Variants in DNHD1 observed in about 807,000 individuals in gnomAD.
DNHD1 encodes the protein dynein heavy chain domain-containing protein 1.
In DNHD1, 383 loss-of-function variants were observed where a neutral mutation model predicts 458.1. That is an observed-to-expected ratio of 0.84 (90% confidence interval 0.77 to 0.91). The LOEUF (loss-of-function observed/expected upper bound fraction) is 0.91, where lower values mean the gene tolerates loss of function less well. Among genes scored for constraint, DNHD1 ranks in the 40% least tolerant of loss-of-function variants. The pLI, the probability that DNHD1 is intolerant of heterozygous loss-of-function variation, is 0.00. For synonymous variants in DNHD1, 2,203 were observed against 2,376.9 expected (o/e 0.93, Z 2.13); for missense variants, 5,336 against 5,866.1 (o/e 0.91, Z 2.95).
intron 24 of DNHD1, among the ~76,000 whole-genome samples, chr11:6,550,801 T>A (rs1853324702): frequency 6.6e-6 from 1 of 152,154 alleles, no homozygotes; most frequent in African/African-American, 2.4e-5. Context: ...ATTGAAAGAT[T>A]CAACTCATCA....
At position 6,505,057 on chromosome 11, in the gene DNHD1, C is replaced by G. The variant is rs1381503928; in HGVS notation, c.920+2131C>G. On this transcript the variant is annotated intron_variant, in intron 4 of 42. Transcript: ENST00000254579. This position sits in a 1 kb window ranked among gnomAD's most constrained non-coding sequence, Gnocchi z 4.4. Reference sequence around the variant, plus strand: ...TGTTGCTCAAGCTGGTCTCGAACTCCTGGGCTCAAGCTATCCTCCCTTCTC... The same window carrying G: ...TGTTGCTCAAGCTGGTCTCGAACTCGTGGGCTCAAGCTATCCTCCCTTCTC... Among the ~76,000 whole-genome samples, 1 of 152,018 alleles carries G rather than the reference C, an allele frequency of 6.6e-6. No individual in the cohort carries two copies. Among genetic ancestry groups the G allele is most frequent in the East Asian group, 1.9e-4 (1 of 5,176 alleles).
In DNHD1 at chr11:6,568,844, C is replaced by A. The variant is rs1401337762; in HGVS notation, c.12841C>A (p.Leu4281Met). The change falls in exon 39 of 43, where the codon CTG (leucine) becomes ATG (methionine). Residue 4281 changes from leucine (L) to methionine (M), a missense_variant. Physicochemically the swap from Leu to Met is conservative, Grantham distance 15 (BLOSUM62 2). Coordinates refer to ENST00000254579, the MANE Select transcript of DNHD1 (RefSeq NM_144666.3). ...ACACCGGCAGCTCTATGGAACAAGG[C>A]TGCAGGCACACAGGGGGCGCTGGTG... ...LLHRQLYGTR[L>M]QAHRGRWSQV... 1.2e-6 allele frequency: 2 copies of A among 1,611,812 alleles called. No homozygotes were observed. Among genetic ancestry groups the A allele is most frequent in the Admixed American group, 3.3e-5 (2 of 59,836 alleles).
rs192670263 is a variant in DNHD1, at chr11:6,538,920, T to C, written c.3325+110T>C. 77 of 1,166,256 alleles carry C rather than the reference T, an allele frequency of 6.6e-5. No individual in the cohort carries two copies. In the African/African-American group the frequency reaches 1.1e-3, roughly 17 times the overall value. The allele number at this position is 1,166,256 out of a possible 1,614,324, so 72.2% of individuals were successfully genotyped here. A position where few individuals can be genotyped will look rare whatever the true frequency, so the allele number is the denominator to read the frequency against. ...GCTGGAAACACCTTTCATCCCCAAGTTTCTCCCTACCTTTCCCACATATTT... is the reference window on the plus strand; with the variant it reads ...GCTGGAAACACCTTTCATCCCCAAGCTTCTCCCTACCTTTCCCACATATTT... On this transcript the variant is annotated intron_variant, in intron 16 of 42. Transcript: ENST00000254579.
At chr11:6,563,216 A>G (rs926300580) in intron 29 of DNHD1, 85 bp downstream of exon 29, 8 of 1,542,664 alleles carry the variant, frequency 5.2e-6, no homozygotes, top group Non-Finnish European at 7.0e-6. Flanking sequence ...GAGAGGATGG[A>G]GTGACTCATC....
Position 6,566,715 on chromosome 11 carries a change from G to A in DNHD1, c.11335G>A (p.Asp3779Asn). The change falls in exon 35 of 43, where the codon GAC (aspartate) becomes AAC (asparagine). Residue 3779 changes from aspartate to asparagine, a missense_variant. Asp to Asn is a conservative substitution (Grantham distance 23, BLOSUM62 1). This residue lies in a region of DNHD1 where 695 missense variants were observed against 804.2 expected (regional missense o/e 0.86). Coordinates refer to ENST00000254579, the MANE Select transcript of DNHD1 (RefSeq NM_144666.3). Reference sequence around the variant, plus strand: ...TCCTGAACTCGAGACCCGCTGGCAGGACCTAAAGATCAGAGCCCTAGATAC... The same window carrying A: ...TCCTGAACTCGAGACCCGCTGGCAGAACCTAAAGATCAGAGCCCTAGATAC... ...EYPELETRWQ[D>N]LKIRALDTCK... 5 of 1,612,092 alleles carry A rather than the reference G, an allele frequency of 3.1e-6. No homozygotes were observed. The highest frequency in any genetic ancestry group is 4.2e-6 in the Non-Finnish European group (5 of 1,179,080).
At position 6,519,873 on chromosome 11, in the gene DNHD1, T is replaced by C; in HGVS notation, c.1647+19T>C. 5 of 1,612,760 alleles carry C rather than the reference T, an allele frequency of 3.1e-6. No individual in the cohort carries two copies. The highest frequency in any genetic ancestry group is 4.2e-6 in the Non-Finnish European group (5 of 1,179,746). On this transcript the variant is annotated intron_variant, in intron 8 of 42. Transcript: ENST00000254579. ...CCTTCAAGTGAGGTGGTGGGTGGCA[T>C]GTGTGGAGGTGGCAGGCAGTCCAGG...
At chr11:6,555,203 T>C (rs1415261989) in intron 24 of DNHD1, among the ~76,000 whole-genome samples, 1 of 119,280 alleles carries the variant, frequency 8.4e-6, no homozygotes, top group Non-Finnish European at 1.7e-5. Flanking sequence ...TCATTCCCTC[T>C]CTCTCTGTCT....
chr11:6,570,760 G>T lies in DNHD1; in HGVS notation c.13248G>T (p.Ala4416=), dbSNP rs751539278. Reference sequence around the variant, plus strand: ...GCCAGAGTCGCGCTCTCTTGAGTGCGCTGCAGCGGAGTTCACCCGTGTGGG... The same window carrying T: ...GCCAGAGTCGCGCTCTCTTGAGTGCTCTGCAGCGGAGTTCACCCGTGTGGG... ...LRRQSRALLS[A]LQRSSPVWVP... is the part of the protein sequence containing the mutation. Residue 4416 remains alanine (A), a synonymous_variant, in exon 42 of 43, where the codon GCG becomes GCT. Coordinates refer to ENST00000254579, the MANE Select transcript of DNHD1 (RefSeq NM_144666.3). 1.7e-5 allele frequency: 28 copies of T among 1,612,238 alleles called. No homozygotes were observed. Among genetic ancestry groups the T allele is most frequent in the Non-Finnish European group, 2.3e-5 (27 of 1,179,210 alleles).
In DNHD1 at chr11:6,570,624, G is replaced by A. The variant is rs1384488831; in HGVS notation, c.13112G>A (p.Arg4371Lys). 1.9e-6 allele frequency: 3 copies of A among 1,605,132 alleles called. No homozygotes were observed. The highest frequency in any genetic ancestry group is 1.3e-5 in the African/African-American group (1 of 74,706). Residue 4371 changes from arginine (R) to lysine (K), a missense_variant, in exon 42 of 43, where the codon AGG (arginine) becomes AAG (lysine). Coordinates refer to ENST00000254579, the MANE Select transcript of DNHD1 (RefSeq NM_144666.3). The stretch of plus-strand genomic sequence containing the variant: ...CCTCACCTCTATCCCCAAGAGCTAA[G>A]GGAGCTGGATGCAATGGCAGAGTGC... The part of the protein sequence containing the change: ...LATLMPLPEL[R>K]ELDAMAECKA...
chr11:6,519,533 C>A (rs1210666004), intron 7 of DNHD1, 67 bp from the exon 8 acceptor site: 8 of 1,575,628 alleles, frequency 5.1e-6, no homozygotes, highest in Non-Finnish European at 5.2e-6. Flanking sequence ...AGAGTTTGCA[C>A]AGACTAGTGG....
intron 7 of DNHD1, among the ~76,000 whole-genome samples, chr11:6,514,268 T>C (rs777561592): frequency 1.3e-5 from 2 of 152,058 alleles, no homozygotes; most frequent in Non-Finnish European, 2.9e-5. Flanking sequence ...AACACCCAGC[T>C]AATTTTTATA....
rs550394585 is a variant in DNHD1 at position 6,561,914 on chromosome 11, G to T, written c.9520-1068G>T. The stretch of plus-strand genomic sequence containing the variant: ...GAGAGAAAAGAGATGAGATTGAAAT[G>T]ATGAGTAGGGGCCTGGTCATGGGGG... On this transcript the variant is annotated intron_variant, in intron 28 of 42. Transcript: ENST00000254579. 3.7e-4 allele frequency among the ~76,000 whole-genome samples: 56 copies of T among 152,322 alleles called. 1 individual carries two copies. The highest frequency in any genetic ancestry group is 1.3e-3 in the African/African-American group (55 of 41,556).
At chr11:6,564,910 C>A in intron 32 of DNHD1, 106 bp downstream of exon 32, 2 of 997,206 alleles carry the variant, frequency 2.0e-6, no homozygotes, top group Non-Finnish European at 2.9e-6. Context: ...TTTTTGTGAT[C>A]AGGATGTCCC....
chr11:6,547,480 A>G lies in DNHD1; in HGVS notation c.6541A>G (p.Met2181Val), dbSNP rs1292720954. 2.6e-6 allele frequency: 4 copies of G among 1,550,866 alleles called. No individual in the cohort carries two copies. The South Asian group carries it at 4.8e-5, about 18-fold the overall frequency. ...CCGGACAGTCGCTGAGCTCAACCACATGGCTGAGGTTCTGGTGCCTGCAAC... is the reference window on the plus strand; with the variant it reads ...CCGGACAGTCGCTGAGCTCAACCACGTGGCTGAGGTTCTGGTGCCTGCAAC... ...QHRTVAELNH[M>V]AEVLVPATLR... is the part of the protein sequence containing the mutation. Residue 2181 changes from methionine (M) to valine (V), a missense_variant, in exon 21 of 43, where the codon ATG (methionine) becomes GTG (valine). Transcript: ENST00000254579.
intron 7 of DNHD1, among the ~76,000 whole-genome samples, chr11:6,515,701 C>T (rs570892208): frequency 6.6e-5 from 10 of 151,802 alleles, no homozygotes; most frequent in African/African-American, 2.4e-4. Flanking sequence ...TCAGGGTCTG[C>T]TTCTGGGGAA....
intron 24 of DNHD1, among the ~76,000 whole-genome samples, chr11:6,551,707 CCAA>C (rs1482398014): frequency 3.9e-5 from 6 of 152,224 alleles, no homozygotes; most frequent in East Asian, 3.9e-4. Flanking sequence ...CTTTGGGAGG[CCAA>C]GGAGGGCAGA....
At chr11:6,544,444 T>C in intron 19 of DNHD1, 130 bp from the exon 20 acceptor site, 1 of 997,148 alleles carries the variant, frequency 1.0e-6, no homozygotes, top group South Asian at 1.7e-5. Context: ...GCAAGTTCCC[T>C]GAGTCCTGCT....
chr11:6,498,446 C>G lies in DNHD1; in HGVS notation c.231C>G (p.Ser77Arg). The stretch of plus-strand genomic sequence containing the variant: ...TCTCAGCTGTGTTGCAGGACAGTAG[C>G]CCTGCAGCTTGGCGCTATCTTCATG... ...TLFSAVLQDSSPAAWRYLHAV... is the reference protein window; with the variant it reads ...TLFSAVLQDSRPAAWRYLHAV... Residue 77 changes from serine to arginine, a missense_variant, in exon 3 of 43, where the codon AGC becomes AGG. Coordinates refer to ENST00000254579, the MANE Select transcript of DNHD1 (RefSeq NM_144666.3). 2 of 1,614,204 alleles carry G rather than the reference C, an allele frequency of 1.2e-6. No homozygotes were observed. The highest frequency in any genetic ancestry group is 1.7e-6 in the Non-Finnish European group (2 of 1,180,044).
rs140468604 is a variant in DNHD1 at position 6,523,763 on chromosome 11, A to G, written c.1837+3474A>G. On this transcript the variant is annotated intron_variant, in intron 10 of 42. Coordinates refer to ENST00000254579, the MANE Select transcript of DNHD1 (RefSeq NM_144666.3). ...GCACTTTGGGAGGCCAAAGTGGGAG[A>G]GTTACTTGAGGCCAGGAGTTTGAGG... Among the ~76,000 whole-genome samples, 1,340 of 152,134 alleles carry G rather than the reference A, an allele frequency of 8.8e-3. 19 individuals carry two copies. Among genetic ancestry groups the G allele is most frequent in the African/African-American group, 0.03 (1,260 of 41,490 alleles).
Sources: allele counts gnomAD v4.1 joint callset (sites outside exome capture counted in the v4.1 genomes callset), GRCh38; gene constraint gnomAD v4.1.1; regional missense constraint gnomAD v4.1.1; non-coding constraint Gnocchi (gnomAD v3.1); transcripts MANE v1.5; gene names NCBI Gene and HGNC (gene_info 2026-07-23, HGNC 2026-07-21).